Variants in CNTN3 observed in about 807,000 individuals in gnomAD.
The protein encoded by CNTN3 is contactin 3.
In CNTN3, 60 loss-of-function variants were observed where a neutral mutation model predicts 119.1. The ratio of observed to expected loss-of-function variants is 0.50; its 90% confidence interval spans 0.41 to 0.62. CNTN3 has a LOEUF of 0.62. CNTN3 is among the 20% of genes least tolerant of loss of function. The pLI is 0.00. For missense variants in CNTN3, 1,101 were observed against 1,242.4 expected (o/e 0.89, Z 1.71); for synonymous variants, 450 against 438.7 (o/e 1.03, Z -0.32).
At chr3:74,535,878 C>T (rs2107141146) in intron 1 of CNTN3, among the ~76,000 whole-genome samples, 1 of 152,134 alleles carries the variant, frequency 6.6e-6, no homozygotes, top group Non-Finnish European at 1.5e-5. Context: ...CAGCTGCAGC[C>T]CGTCTTGAAA....
At chr3:74,560,446 A>G (rs1345723383) in intron 1 of CNTN3, among the ~76,000 whole-genome samples, 1 of 152,206 alleles carries the variant, frequency 6.6e-6, no homozygotes, top group Non-Finnish European at 1.5e-5. Flanking sequence ...AAAATAAAAT[A>G]TATAATAAAA....
chr3:74,272,428 C>A (rs1701795736), intron 20 of CNTN3, among the ~76,000 whole-genome samples: 1 of 152,048 alleles, frequency 6.6e-6, no homozygotes. Context: ...CAGAAAATTC[C>A]TGTTTGAATA....
intron 11 of CNTN3, among the ~76,000 whole-genome samples, chr3:74,340,489 C>T (rs970138585): frequency 1.3e-5 from 2 of 152,048 alleles, no homozygotes; most frequent in Admixed American, 6.6e-5. Context: ...ATGCTCCCAA[C>T]CCATCTGATC....
intron 1 of CNTN3, among the ~76,000 whole-genome samples, chr3:74,573,194 T>C (rs1425442065): frequency 2.0e-5 from 3 of 151,978 alleles, no homozygotes; most frequent in African/African-American, 4.8e-5. Context: ...CCTCTAGGCC[T>C]AAATGATCTA....
intron 13 of CNTN3, among the ~76,000 whole-genome samples, chr3:74,332,633 T>C (rs550581367): frequency 1.3e-5 from 2 of 152,358 alleles, no homozygotes; most frequent in Non-Finnish European, 2.9e-5. Flanking sequence ...GTTTGATGCA[T>C]ATTACAGTCA....
At chr3:74,354,389 T>C (rs1703886285) in intron 11 of CNTN3, among the ~76,000 whole-genome samples, 1 of 152,120 alleles carries the variant, frequency 6.6e-6, no homozygotes, top group South Asian at 2.1e-4. Flanking sequence ...CACTAAGTGA[T>C]AGAGATAAGT....
chr3:74,446,100 A>G (rs2106937439), intron 4 of CNTN3, among the ~76,000 whole-genome samples: 1 of 152,296 alleles, frequency 6.6e-6, no homozygotes, highest in Non-Finnish European at 1.5e-5. Flanking sequence ...GCAGAGTCAG[A>G]AGAACTGGCC....
At chr3:74,351,325 C>T (rs1325660282) in intron 11 of CNTN3, among the ~76,000 whole-genome samples, 1 of 152,184 alleles carries the variant, frequency 6.6e-6, no homozygotes, top group East Asian at 1.9e-4. Flanking sequence ...ATCTGCCTAT[C>T]AGGGAAACCA....
intron 13 of CNTN3, among the ~76,000 whole-genome samples, chr3:74,319,665 TG>T (rs1702932329): frequency 6.6e-6 from 1 of 151,290 alleles, no homozygotes; most frequent in Admixed American, 6.6e-5. Flanking sequence ...AATTGACAAA[TG>T]GGATCCAATT....
chr3:74,499,829 G>A, intron 2 of CNTN3, 44 bp from the exon 3 acceptor site: 1 of 1,543,170 alleles, frequency 6.5e-7, no homozygotes, highest in Non-Finnish European at 8.7e-7. Context: ...TCAGTAAAAG[G>A]CATTGTAAAA....
At chr3:74,291,173 T>C (rs924969687) in intron 19 of CNTN3, among the ~76,000 whole-genome samples, 2 of 152,018 alleles carry the variant, frequency 1.3e-5, no homozygotes, top group African/African-American at 4.8e-5. Context: ...CCTTGCAATA[T>C]GTTTGCTGAG....
At chr3:74,356,941 T>C (rs1338025757) in intron 11 of CNTN3, among the ~76,000 whole-genome samples, 1 of 152,144 alleles carries the variant, frequency 6.6e-6, no homozygotes, top group South Asian at 2.1e-4. Flanking sequence ...TTATTTATTT[T>C]GAGTAGGAGT....
intron 5 of CNTN3, among the ~76,000 whole-genome samples, chr3:74,376,743 G>A (rs1174591826): frequency 6.6e-6 from 1 of 151,940 alleles, no homozygotes. Flanking sequence ...CAGATCCCAG[G>A]TGCCAAAAAG....
At chr3:74,277,742 A>G (rs1454495731) in intron 20 of CNTN3, among the ~76,000 whole-genome samples, 1 of 152,172 alleles carries the variant, frequency 6.6e-6, no homozygotes, top group African/African-American at 2.4e-5. Context: ...CTCCTCTTCA[A>G]CTTAGTACTG....
chr3:74,563,463 A>G (rs1458773195), intron 1 of CNTN3, among the ~76,000 whole-genome samples: 1 of 151,884 alleles, frequency 6.6e-6, no homozygotes, highest in African/African-American at 2.4e-5. Flanking sequence ...AATAATTTAC[A>G]GTTACCCTAA....
chr3:74,551,977 T>C (rs945314391), intron 1 of CNTN3, among the ~76,000 whole-genome samples: 3 of 151,984 alleles, frequency 2.0e-5, no homozygotes, highest in African/African-American at 7.2e-5. Context: ...TTGGCCAGGC[T>C]GGTCTCAAAC....
chr3:74,520,209 A>C (rs565908730), intron 2 of CNTN3, among the ~76,000 whole-genome samples: 1 of 148,214 alleles, frequency 6.7e-6, no homozygotes, highest in African/African-American at 2.6e-5. Flanking sequence ...TTACTTTCAA[A>C]TGGGTTAGCC....
Position 74,411,149 on chromosome 3 carries a change from A to G in CNTN3, c.454+13696T>C, listed in dbSNP as rs369310716. ...TCCCAGTGTCCTATCCTCTTTCTTT[A>G]TAATTGGTCAGCCCAGTGTCCTATC... On this transcript the variant is annotated intron_variant, in intron 5 of 22. Coordinates refer to ENST00000263665, the MANE Select transcript of CNTN3 (RefSeq NM_020872.3). 4.4e-4 allele frequency among the ~76,000 whole-genome samples: 66 copies of G among 151,412 alleles called. 2 individuals are homozygous for G. In the East Asian group the frequency reaches 7.4e-3, roughly 17 times the overall value.
chr3:74,547,026 G>A (rs577406580), intron 1 of CNTN3, among the ~76,000 whole-genome samples: 7 of 151,848 alleles, frequency 4.6e-5, no homozygotes, highest in East Asian at 1.9e-4. Context: ...TATACACATC[G>A]CGCTGTCATT....
Sources: gnomAD v4.1 joint callset for allele counts (sites outside exome capture counted in the v4.1 genomes callset) on GRCh38, gnomAD v4.1.1 for gene constraint, MANE v1.5 for transcripts, NCBI Gene and HGNC (gene_info 2026-07-23, HGNC 2026-07-21) for gene names.